Variants in KIAA1217 observed in about 807,000 individuals in gnomAD.
KIAA1217 encodes sickle tail protein homolog.
A neutral mutation model predicts 163.9 loss-of-function variants in KIAA1217; 88 were observed. The observed-to-expected ratio is 0.54, with a 90% confidence interval of 0.45 to 0.64. KIAA1217 has a LOEUF of 0.64. Ranked by LOEUF, KIAA1217 falls within the 30% of genes least tolerant of loss-of-function variation. KIAA1217 has a pLI of 0.00. For synonymous variants in KIAA1217, 903 were observed against 923.1 expected (o/e 0.98, Z 0.39); for missense variants, 2,372 against 2,475.0 (o/e 0.96, Z 0.88).
chr10:24,137,474 G>A (rs2063879206), intron 2 of KIAA1217, among the ~76,000 whole-genome samples: 1 of 152,234 alleles, frequency 6.6e-6, no homozygotes, highest in African/African-American at 2.4e-5. Flanking sequence ...CTCTTTGGAA[G>A]TTCTCACATT....
intron 2 of KIAA1217, chr10:24,157,794 T>C: frequency 2.4e-6 from 1 of 417,602 alleles, no homozygotes; most frequent in Non-Finnish European, 4.3e-6. Flanking sequence ...GGTACTCTCA[T>C]ATGATATTTC....
intron 1 of KIAA1217, among the ~76,000 whole-genome samples, chr10:23,711,500 T>C (rs1564358128): frequency 6.6e-6 from 1 of 152,166 alleles, no homozygotes; most frequent in East Asian, 1.9e-4. Flanking sequence ...CAGCGTGGTT[T>C]TGGTCCATTG....
intron 2 of KIAA1217, among the ~76,000 whole-genome samples, chr10:24,108,576 C>CT (rs1164399726): frequency 1.3e-5 from 2 of 152,122 alleles, no homozygotes; most frequent in African/African-American, 4.8e-5. Context: ...CAGGAGTCAT[C>CT]TTTTACTAAC....
intron 2 of KIAA1217, among the ~76,000 whole-genome samples, chr10:24,312,981 G>T: frequency 6.6e-6 from 1 of 152,162 alleles, no homozygotes; most frequent in Middle Eastern, 3.4e-3. Context: ...AAGCACATAG[G>T]ACTCAATGAG....
intron 1 of KIAA1217, among the ~76,000 whole-genome samples, chr10:23,978,300 T>C (rs569292050): frequency 1.4e-4 from 21 of 152,340 alleles, no homozygotes; most frequent in African/African-American, 4.6e-4. Context: ...ATCTTCAACC[T>C]GACCTCCTCG....
chr10:24,009,210 G>A (rs1847140607), intron 2 of KIAA1217, among the ~76,000 whole-genome samples: 1 of 152,066 alleles, frequency 6.6e-6, no homozygotes, highest in Admixed American at 6.6e-5. Flanking sequence ...CATCTTTTTT[G>A]GGTATAGAAT....
intron 1 of KIAA1217, among the ~76,000 whole-genome samples, chr10:23,749,591 A>T (rs187736498): frequency 2.0e-3 from 298 of 152,258 alleles, no homozygotes; most frequent in African/African-American, 6.8e-3. Context: ...TATTTTTAGT[A>T]GAGATGGCAT....
intron 2 of KIAA1217, among the ~76,000 whole-genome samples, chr10:24,132,462 T>A (rs967936219): frequency 6.6e-6 from 1 of 152,198 alleles, no homozygotes; most frequent in Non-Finnish European, 1.5e-5. Flanking sequence ...TGAGAGAACA[T>A]GCTCAATTTT....
intron 1 of KIAA1217, among the ~76,000 whole-genome samples, chr10:23,802,898 A>G (rs979303687): frequency 6.6e-6 from 1 of 152,190 alleles, no homozygotes; most frequent in Admixed American, 6.5e-5. Flanking sequence ...TCCAAAAATA[A>G]TAATGCTGGT....
chr10:24,178,008 G>T (rs916126258), intron 2 of KIAA1217, among the ~76,000 whole-genome samples: 29 of 152,264 alleles, frequency 1.9e-4, no homozygotes, highest in African/African-American at 6.0e-4. Flanking sequence ...ATAAATTCCT[G>T]TAGTATTTAG....
chr10:23,955,392 G>A (rs554292954), intron 1 of KIAA1217, among the ~76,000 whole-genome samples: 1 of 152,324 alleles, frequency 6.6e-6, no homozygotes, highest in South Asian at 2.1e-4. Context: ...CTTCCCTCCA[G>A]GAAGAAGCAA....
intron 1 of KIAA1217, among the ~76,000 whole-genome samples, chr10:23,802,323 C>T (rs1454501690): frequency 6.6e-6 from 1 of 152,150 alleles, no homozygotes; most frequent in African/African-American, 2.4e-5. Context: ...TGATTGAGGG[C>T]CCAAAGTATT....
intron 2 of KIAA1217, among the ~76,000 whole-genome samples, chr10:24,094,641 A>G (rs1407632497): frequency 6.6e-6 from 1 of 152,048 alleles, no homozygotes; most frequent in East Asian, 1.9e-4. Context: ...GTCTGCCCCT[A>G]CTGGGGGATG....
intron 3 of KIAA1217, among the ~76,000 whole-genome samples, chr10:24,430,687 G>A (rs1254887009): frequency 1.3e-5 from 2 of 152,194 alleles, no homozygotes; most frequent in Non-Finnish European, 2.9e-5. Context: ...TAAGGCGCAT[G>A]CAACCTAGAT....
chr10:24,147,006 TAAAAA>T (rs755857019), intron 2 of KIAA1217, among the ~76,000 whole-genome samples: 1,374 of 110,720 alleles, frequency 0.012, 9 homozygotes, highest in Middle Eastern at 0.034. Flanking sequence ...TTTGTTTTGT[TAAAAA>T]AAAAAAAAAA....
chr10:24,045,251 C>A (rs767979999), intron 2 of KIAA1217, among the ~76,000 whole-genome samples: 3 of 151,426 alleles, frequency 2.0e-5, no homozygotes, highest in Non-Finnish European at 2.9e-5. Flanking sequence ...ATTTTTTTCT[C>A]TCTCTCTCTC....
intron 2 of KIAA1217, among the ~76,000 whole-genome samples, chr10:24,172,951 C>A (rs1229985379): frequency 1.3e-5 from 2 of 152,184 alleles, no homozygotes; most frequent in African/African-American, 4.8e-5. Flanking sequence ...CAAGACAATT[C>A]CCATAAGCAT....
intron 1 of KIAA1217, among the ~76,000 whole-genome samples, chr10:24,000,425 G>A (rs1175166417): frequency 6.6e-6 from 1 of 152,174 alleles, no homozygotes; most frequent in East Asian, 1.9e-4. Flanking sequence ...AAGAAGGACA[G>A]GTTTGCTTCG....
chr10:24,100,371 A>G (rs1216003450), intron 2 of KIAA1217, among the ~76,000 whole-genome samples: 1 of 152,216 alleles, frequency 6.6e-6, no homozygotes, highest in Non-Finnish European at 1.5e-5. Context: ...TATGAAGCCC[A>G]GGAGATAGCA....
Sources: allele counts gnomAD v4.1 joint callset (sites outside exome capture counted in the v4.1 genomes callset), GRCh38; gene constraint gnomAD v4.1.1; transcripts MANE v1.5; gene names NCBI Gene and HGNC (gene_info 2026-07-23, HGNC 2026-07-21).